The following HPS1 variants were observed in gnomAD, a reference collection of about 807,000 sequenced individuals.
The protein encoded by HPS1 is BLOC-3 complex member HPS1.
Under a neutral mutation model 90.6 loss-of-function variants are expected in HPS1, and 59 were observed. That is an observed-to-expected ratio of 0.65 (90% CI 0.53 to 0.81). HPS1 has a LOEUF of 0.81. HPS1 is among the 30% of genes least tolerant of loss of function. The probability of loss-of-function intolerance (pLI) is 0.00; values close to 1 mark genes in which losing one functional copy is unlikely to be tolerated. For missense variants in HPS1, 849 were observed against 896.7 expected (o/e 0.95, Z 0.68); for synonymous variants, 388 against 384.4 (o/e 1.01, Z -0.11).
At position 98,443,208 on chromosome 10, in the gene HPS1, T is replaced by C; in HGVS notation, c.33A>G (p.Ala11=). MKCVLVATEG[A]EVLFYWTDQE... ...GATCTGTCCAGTAGAAGAGGACCTC[T>C]GCGCCCTCAGTGGCCACCAAGACGC... is the stretch of plus-strand genomic sequence containing the variant. Residue 11 remains alanine (A), a synonymous_variant, in exon 3 of 20, where the codon GCA becomes GCG. Transcript: ENST00000361490. The C allele has an allele frequency of 6.2e-7, 1 of 1,614,112 alleles. No homozygotes were observed. Among genetic ancestry groups the C allele is most frequent in the Non-Finnish European group, 8.5e-7 (1 of 1,180,002 alleles).
chr10:98,424,399 T>G, intron 13 of HPS1, 25 bp from the exon 14 acceptor site: 1 of 1,605,604 alleles, frequency 6.2e-7, no homozygotes, highest in Non-Finnish European at 8.5e-7. Flanking sequence ...GGGGGCAGGT[T>G]TGCATCCCGA....
intron 5 of HPS1, among the ~76,000 whole-genome samples, chr10:98,434,748 G>C (rs1178335595): frequency 6.6e-6 from 1 of 151,872 alleles, no homozygotes; most frequent in African/African-American, 2.4e-5. Flanking sequence ...GCCTTTTCTG[G>C]GGTCCCTCCC....
downstream of HPS1, chr10:98,414,926 T>TGGGGGGG: frequency 6.5e-7 from 1 of 1,537,850 alleles, no homozygotes; most frequent in Non-Finnish European, 8.8e-7. Context: ...GGGGCTTGGC[T>TGGGGGGG]CCCCCTCCCC....
intron 8 of HPS1, 44 bp from the exon 9 acceptor site, chr10:98,429,933 G>A (rs762400202): frequency 1.3e-6 from 2 of 1,553,906 alleles, no homozygotes; most frequent in South Asian, 2.2e-5. Context: ...TATCTGACCT[G>A]GCTCCCTCCA....
chr10:98,439,763 G>C (rs1938076417), intron 3 of HPS1, among the ~76,000 whole-genome samples: 1 of 152,168 alleles, frequency 6.6e-6, no homozygotes, highest in Admixed American at 6.5e-5. Context: ...CATGAGATTT[G>C]GGAGGGTCCT....
intron 14 of HPS1, 33 bp downstream of exon 14, chr10:98,424,280 G>A (rs754519177): frequency 1.7e-5 from 27 of 1,561,750 alleles, no homozygotes; most frequent in South Asian, 5.6e-5. Flanking sequence ...CTGGGCACAC[G>A]ACCCACCCCT....
intron 13 of HPS1, 113 bp downstream of exon 13, chr10:98,425,428 G>A (rs1845471715): frequency 2.0e-6 from 2 of 1,013,414 alleles, no homozygotes; most frequent in Non-Finnish European, 1.5e-6. Flanking sequence ...GGGGGAGGTG[G>A]AGCCCGGACA....
chr10:98,429,959 A>G, intron 8 of HPS1, 70 bp from the exon 9 acceptor site: 7 of 1,399,700 alleles, frequency 5.0e-6, no homozygotes, highest in Non-Finnish European at 7.0e-6. Flanking sequence ...TCTGCCTCCC[A>G]GCGCTTCACA....
chr10:98,418,330 C>A (rs1006266155), intron 18 of HPS1, 73 bp from the exon 19 acceptor site: 1 of 818,618 alleles, frequency 1.2e-6, no homozygotes, highest in Non-Finnish European at 2.0e-6. Flanking sequence ...ACCGGGCTTG[C>A]GGCCTGGCTT....
At chr10:98,422,233 G>A in intron 17 of HPS1, 136 bp downstream of exon 17, 1 of 869,178 alleles carries the variant, frequency 1.2e-6, no homozygotes, top group Non-Finnish European at 1.9e-6. Flanking sequence ...ATTTATTTAT[G>A]CCGGCACTGG....
chr10:98,439,673 CT>C (rs1392719546), intron 3 of HPS1, among the ~76,000 whole-genome samples: 2 of 152,100 alleles, frequency 1.3e-5, no homozygotes, highest in Non-Finnish European at 2.9e-5. Flanking sequence ...CAGTCTTGGA[CT>C]TTTTGGTTAA....
chr10:98,418,584 C>T (rs900157371), intron 18 of HPS1, among the ~76,000 whole-genome samples: 10 of 152,326 alleles, frequency 6.6e-5, no homozygotes, highest in Admixed American at 3.3e-4. Flanking sequence ...TCACAAAAGG[C>T]CCAAGCCTCT....
intron 6 of HPS1, among the ~76,000 whole-genome samples, chr10:98,433,560 G>C (rs1846835348): frequency 6.6e-6 from 1 of 152,158 alleles, no homozygotes; most frequent in Non-Finnish European, 1.5e-5. Flanking sequence ...GCTCTCCTAT[G>C]CTGCTGCTGG....
At chr10:98,437,404 C>T (rs1444464402) in intron 3 of HPS1, among the ~76,000 whole-genome samples, 3 of 152,160 alleles carry the variant, frequency 2.0e-5, no homozygotes, top group Non-Finnish European at 2.9e-5. Flanking sequence ...AGAAACTCAT[C>T]GTAAAAGCAG....
Position 98,422,355 on chromosome 10 carries a change from G to A in HPS1, c.1743+14C>T. The A allele has an allele frequency of 1.2e-6, 2 of 1,611,944 alleles. No homozygotes were observed. The highest frequency in any genetic ancestry group is 2.2e-5 in the East Asian group (1 of 44,864). ...TGAGGCCCACCCATCCCCGCCCTGGGTCCAAATGGTTACCTTAGTTTTGAC... is the reference window on the plus strand; with the variant it reads ...TGAGGCCCACCCATCCCCGCCCTGGATCCAAATGGTTACCTTAGTTTTGAC... On this transcript the variant is annotated intron_variant, in intron 17 of 19. Transcript: ENST00000361490.
Position 98,431,241 on chromosome 10 carries a change from C to T in HPS1, c.558G>A (p.Ala186=), listed in dbSNP as rs547703715. Residue 186 remains alanine, a synonymous_variant, in exon 7 of 20, where the codon GCG becomes GCA. Coordinates refer to ENST00000361490, the MANE Select transcript of HPS1 (RefSeq NM_000195.5). ...CAGCCTGGATGACGTGCCGCTCCAG[C>T]GCCTCTATGCACAGCTCACAGAGCT... ...HPQLCELCIE[A]LERHVIQAVN... 2.5e-5 allele frequency: 41 copies of T among 1,613,974 alleles called. No homozygotes were observed. The highest frequency in any genetic ancestry group is 2.0e-4 in the East Asian group (9 of 44,874).
At chr10:98,442,000 C>T (rs1938516652) in intron 3 of HPS1, among the ~76,000 whole-genome samples, 1 of 152,196 alleles carries the variant, frequency 6.6e-6, no homozygotes, top group Non-Finnish European at 1.5e-5. Context: ...TGAAAGCATC[C>T]ATGTATACAT....
At chr10:98,426,573 G>A (rs910650173) in intron 11 of HPS1, among the ~76,000 whole-genome samples, 3 of 152,168 alleles carry the variant, frequency 2.0e-5, no homozygotes, top group African/African-American at 4.8e-5. Context: ...CACATGACGC[G>A]ATTTTCCTGG....
At chr10:98,418,070 G>A (rs934223835) in intron 19 of HPS1, 105 bp downstream of exon 19, 3 of 780,792 alleles carry the variant, frequency 3.8e-6, no homozygotes, top group South Asian at 3.3e-5. Context: ...GGATTTCTGG[G>A]TCTGAGGTAG....
Sources: gnomAD v4.1 joint callset for allele counts (sites outside exome capture counted in the v4.1 genomes callset) on GRCh38, gnomAD v4.1.1 for gene constraint, MANE v1.5 for transcripts, NCBI Gene and HGNC (gene_info 2026-07-23, HGNC 2026-07-21) for gene names.